The following PRIM2 variants were observed in gnomAD, a reference collection of about 807,000 sequenced individuals.
The protein encoded by PRIM2 is DNA primase subunit 2, also known as DNA primase large subunit.
Under a neutral mutation model 67.3 loss-of-function variants are expected in PRIM2, and 39 were observed. The ratio of observed to expected loss-of-function variants is 0.58; its 90% confidence interval spans 0.45 to 0.76. PRIM2 has a LOEUF of 0.76. Ranked by LOEUF, PRIM2 falls within the 30% of genes least tolerant of loss-of-function variation. The probability of loss-of-function intolerance (pLI) is 0.00; values close to 1 mark genes in which losing one functional copy is unlikely to be tolerated. For missense variants in PRIM2, 398 were observed against 598.7 expected (o/e 0.66, Z 3.50); for synonymous variants, 143 against 198.7 (o/e 0.72, Z 2.36).
upstream of PRIM2, among the ~76,000 whole-genome samples, chr6:57,312,274 G>A (rs894301846): frequency 3.9e-5 from 6 of 152,276 alleles, no homozygotes; most frequent in East Asian, 1.9e-4. Context: ...GCCGAGGCAG[G>A]AGGATTGCTT....
chr6:57,595,778 T>G (rs1266353410), intron 10 of PRIM2, among the ~76,000 whole-genome samples: 1 of 152,206 alleles, frequency 6.6e-6, no homozygotes, highest in Non-Finnish European at 1.5e-5. Context: ...TGTTCCACCC[T>G]CCTATCATCT....
At chr6:57,229,458 CT>C in the PRIM2 span, among the ~76,000 whole-genome samples, 1 of 151,092 alleles carries the variant, frequency 6.6e-6, no homozygotes, top group East Asian at 2.0e-4. Context: ...GCTTTTTAAT[CT>C]TTTTTTGCAT....
At chr6:57,330,145 GTCTT>G in intron 5 of PRIM2, among the ~76,000 whole-genome samples, 1 of 152,070 alleles carries the variant, frequency 6.6e-6, no homozygotes, top group African/African-American at 2.4e-5. Flanking sequence ...AACATGGGAT[GTCTT>G]TCTATTTATT....
intron 8 of PRIM2, among the ~76,000 whole-genome samples, chr6:57,530,392 T>C (rs1774861828): frequency 6.6e-6 from 1 of 152,218 alleles, no homozygotes; most frequent in African/African-American, 2.4e-5. Flanking sequence ...TATAGTTTCC[T>C]CTGGGATCAT....
At chr6:57,585,631 G>A (rs1221635889) in intron 10 of PRIM2, among the ~76,000 whole-genome samples, 1 of 152,136 alleles carries the variant, frequency 6.6e-6, no homozygotes, top group South Asian at 2.1e-4. Context: ...ATTAGATACC[G>A]AGGGTGATCA....
chr6:57,335,200 C>T lies in PRIM2; in HGVS notation c.459+9155C>T, dbSNP rs527605380. 3.9e-3 allele frequency among the ~76,000 whole-genome samples: 597 copies of T among 152,174 alleles called. 3 individuals carry two copies. Among genetic ancestry groups the T allele is most frequent in the African/African-American group, 0.013 (559 of 41,520 alleles). ...AGGAGATTATATCCCGCACCTGGCT[C>T]GGAGGGTCCTACGCCCACGGAGTCT... On this transcript the variant is annotated intron_variant, in intron 5 of 13. Coordinates refer to ENST00000615550, the MANE Select transcript of PRIM2 (RefSeq NM_000947.5).
intron 9 of PRIM2, among the ~76,000 whole-genome samples, chr6:57,535,809 G>A (rs1774990150): frequency 6.6e-6 from 1 of 152,066 alleles, no homozygotes; most frequent in African/African-American, 2.4e-5. Flanking sequence ...AGGTTATAGT[G>A]AGCCGAGATG....
At chr6:57,575,852 C>T (rs1276635047) in intron 10 of PRIM2, among the ~76,000 whole-genome samples, 1 of 152,096 alleles carries the variant, frequency 6.6e-6, no homozygotes, top group Non-Finnish European at 1.5e-5. Flanking sequence ...GACCTAGACT[C>T]ACTGCAACCT....
chr6:57,548,955 A>G (rs1449176227), intron 10 of PRIM2, among the ~76,000 whole-genome samples: 1 of 152,182 alleles, frequency 6.6e-6, no homozygotes, highest in Non-Finnish European at 1.5e-5. Flanking sequence ...AAGCTACAGA[A>G]TGGTTACAGT....
In PRIM2 at chr6:57,455,018, T is replaced by C. The variant is rs1340102579; in HGVS notation, c.694-52369T>C. 4.8e-3 allele frequency among the ~76,000 whole-genome samples: 731 copies of C among 152,294 alleles called. 6 individuals are homozygous for C. The highest frequency in any genetic ancestry group is 0.017 in the African/African-American group (703 of 41,574). On this transcript the variant is annotated intron_variant, in intron 7 of 13. Transcript: ENST00000615550. ...TCTCATTGGTTTCAAAGACCATCTT[T>C]ATTTCTGCCTTCATTTCATTATGTA...
At chr6:57,336,309 C>T in intron 5 of PRIM2, among the ~76,000 whole-genome samples, 1 of 151,558 alleles carries the variant, frequency 6.6e-6, no homozygotes, top group African/African-American at 2.4e-5. Context: ...AGGAGAACTT[C>T]CCCAATCTAG....
At chr6:57,550,603 A>G (rs1290181809) in intron 10 of PRIM2, among the ~76,000 whole-genome samples, 9 of 152,208 alleles carry the variant, frequency 5.9e-5, no homozygotes, top group African/African-American at 2.2e-4. Context: ...AAAAAATAGA[A>G]GACTTCAACT....
chr6:57,637,525 A>G (rs1249860111), intron 13 of PRIM2, among the ~76,000 whole-genome samples: 1 of 152,190 alleles, frequency 6.6e-6, no homozygotes, highest in African/African-American at 2.4e-5. Flanking sequence ...AAGTTAGAGG[A>G]AATGCTAACT....
the PRIM2 span, among the ~76,000 whole-genome samples, chr6:57,224,636 G>A: frequency 6.3e-5 from 9 of 142,354 alleles, 1 homozygote; most frequent in African/African-American, 1.5e-4. Context: ...TTTTTAATGG[G>A]AAAAAAAAAA....
intron 10 of PRIM2, among the ~76,000 whole-genome samples, chr6:57,573,697 A>T (rs1200535620): frequency 6.6e-6 from 1 of 152,204 alleles, no homozygotes; most frequent in Non-Finnish European, 1.5e-5. Flanking sequence ...ATCCAGGTAA[A>T]ATGATAAGCA....
intron 7 of PRIM2, among the ~76,000 whole-genome samples, chr6:57,501,931 A>C (rs1774140114): frequency 6.6e-6 from 1 of 152,106 alleles, no homozygotes; most frequent in Non-Finnish European, 1.5e-5. Context: ...ACTGTAAACG[A>C]CTTTGAACTT....
At chr6:57,332,461 G>A (rs1018577225) in intron 5 of PRIM2, among the ~76,000 whole-genome samples, 7 of 152,126 alleles carry the variant, frequency 4.6e-5, no homozygotes, top group African/African-American at 1.7e-4. Context: ...ATTATTGAAA[G>A]TGGGGTACTA....
chr6:57,299,477 C>T, the PRIM2 span, among the ~76,000 whole-genome samples: 1 of 152,280 alleles, frequency 6.6e-6, no homozygotes, highest in South Asian at 2.1e-4. Context: ...GTTCTAGGGT[C>T]AGCATTTAGG....
chr6:57,322,993 C>T (rs1767710302), intron 3 of PRIM2, among the ~76,000 whole-genome samples: 1 of 151,994 alleles, frequency 6.6e-6, no homozygotes, highest in South Asian at 2.1e-4. Context: ...TCTGGACAAG[C>T]TTTGTGACCC....
Sources: gnomAD v4.1 joint callset for allele counts (sites outside exome capture counted in the v4.1 genomes callset) on GRCh38, gnomAD v4.1.1 for gene constraint, MANE v1.5 for transcripts, NCBI Gene and HGNC (gene_info 2026-07-23, HGNC 2026-07-21) for gene names.